Variants in CDH13 observed in about 807,000 individuals in gnomAD.
The protein encoded by CDH13 is cadherin 13, also known as cadherin-13.
A neutral mutation model predicts 63.8 loss-of-function variants in CDH13; 24 were observed. The observed-to-expected ratio is 0.38, with a 90% confidence interval of 0.27 to 0.53. The LOEUF (loss-of-function observed/expected upper bound fraction) is 0.53. Among genes scored for constraint, CDH13 ranks in the 20% least tolerant of loss-of-function variants. The probability of loss-of-function intolerance (pLI) is 0.85; values close to 1 mark genes in which losing one functional copy is unlikely to be tolerated. For synonymous variants in CDH13, 503 were observed against 355.3 expected (o/e 1.42, Z -4.67); for missense variants, 1,049 against 903.1 (o/e 1.16, Z -2.07).
rs553051729 is a variant in CDH13 at position 82,635,906 on chromosome 16, T to C, written c.45+8769T>C. Among the ~76,000 whole-genome samples, 118 of 152,034 alleles carry C rather than the reference T, an allele frequency of 7.8e-4. 1 individual carries two copies. The highest frequency in any genetic ancestry group is 1.5e-3 in the Non-Finnish European group (101 of 67,994). ...AGCACTTCCCCCTTTGCGCCCCCTC[T>C]CTCTCCTGCTTGCTGTGTGAAGACG... On this transcript the variant is annotated intron_variant, in intron 1 of 13. Transcript: ENST00000567109.
At chr16:83,669,976 C>T (rs1347326397) in intron 8 of CDH13, among the ~76,000 whole-genome samples, 1 of 152,218 alleles carries the variant, frequency 6.6e-6, no homozygotes, top group East Asian at 1.9e-4. Context: ...ATGAAATTCT[C>T]TATCTATGAG....
intron 1 of CDH13, among the ~76,000 whole-genome samples, chr16:82,708,908 C>G (rs1207032547): frequency 6.6e-6 from 1 of 152,178 alleles, no homozygotes; most frequent in Non-Finnish European, 1.5e-5. Flanking sequence ...AAATTGATAA[C>G]TTGTTTCTCA....
chr16:83,034,305 G>A (rs891697429), intron 3 of CDH13, among the ~76,000 whole-genome samples: 2 of 152,116 alleles, frequency 1.3e-5, no homozygotes, highest in Non-Finnish European at 2.9e-5. Flanking sequence ...CCATTCCTGG[G>A]CTGGATGAAC....
rs397715387 is a variant in CDH13 at position 82,939,649 on chromosome 16, A to AC, written c.157+81176_157+81177insC. On this transcript the variant is annotated intron_variant, in intron 2 of 13. Coordinates refer to ENST00000567109, the MANE Select transcript of CDH13 (RefSeq NM_001257.5). ...ATGTTAACAGTGGGTCTCTTCTATT[A>AC]GTGTGGTTGTTTGCTGTCTTCTCCA... is the stretch of plus-strand genomic sequence containing the variant. 2.4e-3 allele frequency among the ~76,000 whole-genome samples: 279 copies of AC among 115,608 alleles called. 1 individual carries two copies. The highest frequency in any genetic ancestry group is 4.6e-3 in the South Asian group (15 of 3,284). The allele number at this position is 115,608 out of a possible 152,430, so 75.8% of individuals were successfully genotyped here.
chr16:83,148,886 A>T (rs192516808), intron 4 of CDH13, among the ~76,000 whole-genome samples: 1 of 152,286 alleles, frequency 6.6e-6, no homozygotes, highest in East Asian at 1.9e-4. Context: ...AAGGAATTCT[A>T]TCCTCATTCT....
chr16:82,967,430 G>C (rs151288145), intron 2 of CDH13, among the ~76,000 whole-genome samples: 3 of 152,112 alleles, frequency 2.0e-5, no homozygotes, highest in African/African-American at 2.4e-5. Context: ...TACCTGGTTC[G>C]TATTTGCGCC....
intron 6 of CDH13, among the ~76,000 whole-genome samples, chr16:83,364,106 C>T (rs1050265330): frequency 9.9e-5 from 15 of 152,114 alleles, no homozygotes; most frequent in Admixed American, 7.2e-4. Flanking sequence ...TAAATGTCAA[C>T]GCAAGAATTT....
intron 4 of CDH13, among the ~76,000 whole-genome samples, chr16:83,131,505 G>T (rs993789720): frequency 6.6e-6 from 1 of 151,992 alleles, no homozygotes; most frequent in African/African-American, 2.4e-5. Context: ...CAAAATTTGG[G>T]CCATAAATAA....
At chr16:83,087,392 G>A (rs1239919589) in intron 3 of CDH13, among the ~76,000 whole-genome samples, 1 of 152,010 alleles carries the variant, frequency 6.6e-6, no homozygotes, top group Non-Finnish European at 1.5e-5. Context: ...AGCACCAGCT[G>A]GACACGGTGG....
chr16:83,465,915 G>C (rs1447653270), intron 6 of CDH13, among the ~76,000 whole-genome samples: 1 of 152,156 alleles, frequency 6.6e-6, no homozygotes, highest in East Asian at 1.9e-4. Flanking sequence ...TACCCTGCTG[G>C]AATCACAGAC....
At chr16:83,028,457 C>A (rs975641857) in intron 2 of CDH13, among the ~76,000 whole-genome samples, 1 of 152,246 alleles carries the variant, frequency 6.6e-6, no homozygotes, top group South Asian at 2.1e-4. Flanking sequence ...CCGCAGCGTG[C>A]AGTGCTCTTC....
Position 82,666,290 on chromosome 16 carries a change from A to C in CDH13, c.45+39153A>C, listed in dbSNP as rs1488654695. On this transcript the variant is annotated intron_variant, in intron 1 of 13. Transcript: ENST00000567109. ...TAGTGTTTGTTGTACCAATTATGCC[A>C]CAGGCAGTATCTTGTGTATTTTAAG... Among the ~76,000 whole-genome samples, 3 of 152,226 alleles carry C rather than the reference A, an allele frequency of 2.0e-5. No individual in the cohort carries two copies. The South Asian group carries it at 6.2e-4, about 32-fold the overall frequency.
chr16:83,277,107 C>A (rs930858151), intron 5 of CDH13, among the ~76,000 whole-genome samples: 4 of 152,094 alleles, frequency 2.6e-5, no homozygotes, highest in African/African-American at 9.7e-5. Context: ...TATCACAGAA[C>A]TACCACAATA....
intron 2 of CDH13, among the ~76,000 whole-genome samples, chr16:83,027,813 GC>G (rs1383338858): frequency 6.6e-6 from 1 of 152,152 alleles, no homozygotes; most frequent in African/African-American, 2.4e-5. Context: ...TTCGGTAGAT[GC>G]CGCAGGACTT....
chr16:82,738,161 G>C (rs1333927129), intron 1 of CDH13, among the ~76,000 whole-genome samples: 1 of 152,198 alleles, frequency 6.6e-6, no homozygotes, highest in Non-Finnish European at 1.5e-5. Context: ...GAGTTAGTCT[G>C]CTCTCAAAGA....
chr16:83,428,676 C>T (rs758409134), intron 6 of CDH13, among the ~76,000 whole-genome samples: 9 of 152,162 alleles, frequency 5.9e-5, no homozygotes, highest in African/African-American at 9.7e-5. Flanking sequence ...GAAATTAGTC[C>T]GTAAGACAAG....
At chr16:83,238,649 T>G (rs933934296) in intron 5 of CDH13, among the ~76,000 whole-genome samples, 4 of 152,182 alleles carry the variant, frequency 2.6e-5, no homozygotes, top group African/African-American at 4.8e-5. Flanking sequence ...CTGGACTGGA[T>G]TGGCAGGGGA....
chr16:83,463,407 T>G (rs142478624), intron 6 of CDH13, among the ~76,000 whole-genome samples: 1 of 152,324 alleles, frequency 6.6e-6, no homozygotes, highest in African/African-American at 2.4e-5. Context: ...TCTCTGGCAT[T>G]CAGGCTGACA....
At chr16:83,704,420 T>A (rs1430875391) in intron 10 of CDH13, among the ~76,000 whole-genome samples, 2 of 151,762 alleles carry the variant, frequency 1.3e-5, no homozygotes, top group Non-Finnish European at 2.9e-5. Context: ...TAGACTCGGG[T>A]CAGGTCCTAG....
Sources: gnomAD v4.1 joint callset for allele counts (sites outside exome capture counted in the v4.1 genomes callset) on GRCh38, gnomAD v4.1.1 for gene constraint, MANE v1.5 for transcripts, NCBI Gene and HGNC (gene_info 2026-07-23, HGNC 2026-07-21) for gene names.